The following PCSK2 variants were observed in gnomAD, a reference collection of about 807,000 sequenced individuals.
The protein encoded by PCSK2 is proprotein convertase subtilisin/kexin type 2, also known as neuroendocrine convertase 2.
Under a neutral mutation model 69.7 loss-of-function variants are expected in PCSK2, and 14 were observed. The observed-to-expected ratio is 0.20, with a 90% CI of 0.13 to 0.31. The LOEUF is 0.31. PCSK2 is among the 10% of genes least tolerant of loss of function. PCSK2 has a pLI of 1.00. For synonymous variants in PCSK2, 307 were observed against 320.7 expected, an observed-to-expected ratio of 0.96 and a Z score of 0.46; for missense variants, 544 against 842.5, an observed-to-expected ratio of 0.65 and a Z score of 4.39.
chr20:17,333,850 T>C (rs1408278523), intron 2 of PCSK2, among the ~76,000 whole-genome samples: 1 of 147,734 alleles, frequency 6.8e-6, no homozygotes, highest in Non-Finnish European at 1.5e-5. Context: ...CACATGGAAG[T>C]TATTCAGTAA....
intron 8 of PCSK2, among the ~76,000 whole-genome samples, chr20:17,441,710 T>C (rs1444016036): frequency 2.6e-5 from 4 of 151,986 alleles, no homozygotes; most frequent in African/African-American, 9.7e-5. Context: ...TTATTCACTA[T>C]CAAGAGAACA....
intron 5 of PCSK2, among the ~76,000 whole-genome samples, chr20:17,405,122 C>T (rs946457350): frequency 3.3e-5 from 5 of 152,208 alleles, no homozygotes; most frequent in Admixed American, 6.5e-5. Flanking sequence ...TTTATCCTCA[C>T]AGCAACCAAC....
At chr20:17,463,198 C>A (rs796284602) in intron 10 of PCSK2, among the ~76,000 whole-genome samples, 10 of 152,282 alleles carry the variant, frequency 6.6e-5, no homozygotes, top group African/African-American at 2.4e-4. Flanking sequence ...TTTAAGGGAG[C>A]CCTTCTCCAG....
chr20:17,405,917 T>G (rs1170592084), intron 5 of PCSK2, among the ~76,000 whole-genome samples: 1 of 152,202 alleles, frequency 6.6e-6, no homozygotes, highest in East Asian at 1.9e-4. Flanking sequence ...GATGGTACAA[T>G]GATAATTCAA....
intron 1 of PCSK2, among the ~76,000 whole-genome samples, chr20:17,248,175 GGTGTGT>G (rs10640964): frequency 0.024 from 3,406 of 144,458 alleles, 113 homozygotes; most frequent in African/African-American, 0.072. Context: ...TATAAAAAAG[GGTGTGT>G]GTGTGTGTGT....
rs1235551652 is a variant in PCSK2 at position 17,482,791 on chromosome 20, T to C, written c.*721T>C. 1.3e-5 allele frequency: 2 copies of C among 152,508 alleles called. No homozygotes were observed. The highest frequency in any genetic ancestry group is 2.9e-5 in the Non-Finnish European group (2 of 68,050). 9.4% of individuals were successfully genotyped at this position (152,508 alleles called of 1,614,324 possible). On this transcript the variant is annotated 3_prime_UTR_variant, in exon 12 of 12. Transcript: ENST00000262545. ...GCTGTGCTCTCACCAGCTGCTGCTC[T>C]GAGTTATGTTAAAATCCGCTAGAGC...
intron 5 of PCSK2, among the ~76,000 whole-genome samples, chr20:17,403,718 T>C (rs1046960809): frequency 1.3e-5 from 2 of 152,232 alleles, no homozygotes; most frequent in Non-Finnish European, 2.9e-5. Context: ...TTGTTCTGAG[T>C]TCCTGTAGCT....
intron 10 of PCSK2, 30 bp downstream of exon 10, chr20:17,456,478 G>A (rs2032925090): frequency 4.1e-6 from 5 of 1,234,366 alleles, no homozygotes; most frequent in Non-Finnish European, 4.8e-6. Context: ...TCCAGGGCCA[G>A]CTCTGCAGGG....
At chr20:17,278,751 G>A (rs555199891) in intron 2 of PCSK2, among the ~76,000 whole-genome samples, 2 of 151,794 alleles carry the variant, frequency 1.3e-5, no homozygotes, top group African/African-American at 4.8e-5. Context: ...AAATAATAAT[G>A]GCCCTGTAAC....
chr20:17,401,638 TC>T (rs2123289410), intron 5 of PCSK2, among the ~76,000 whole-genome samples: 1 of 152,342 alleles, frequency 6.6e-6, no homozygotes, highest in Non-Finnish European at 1.5e-5. Flanking sequence ...CTAACATATG[TC>T]CTTTATTAAT....
At chr20:17,359,118 A>G (rs1488074823) in intron 3 of PCSK2, among the ~76,000 whole-genome samples, 1 of 152,230 alleles carries the variant, frequency 6.6e-6, no homozygotes, top group Non-Finnish European at 1.5e-5. Flanking sequence ...ACAGAAAGGG[A>G]GTGACTAATT....
intron 2 of PCSK2, among the ~76,000 whole-genome samples, chr20:17,317,726 A>T (rs1279574251): frequency 6.6e-6 from 1 of 152,264 alleles, no homozygotes; most frequent in African/African-American, 2.4e-5. Context: ...GTAACAGAAA[A>T]TAGAAATAAT....
chr20:17,372,206 C>T (rs1283173018), intron 5 of PCSK2, among the ~76,000 whole-genome samples: 3 of 151,796 alleles, frequency 2.0e-5, no homozygotes, highest in Non-Finnish European at 2.9e-5. Flanking sequence ...GGTGAAACCC[C>T]GTCTCTACTA....
intron 8 of PCSK2, among the ~76,000 whole-genome samples, chr20:17,449,101 C>T (rs1216409160): frequency 6.6e-6 from 1 of 152,044 alleles, no homozygotes; most frequent in African/African-American, 2.4e-5. Flanking sequence ...GTCTCAAACT[C>T]TTGGCCTCAA....
At chr20:17,230,462 T>C (rs1986105269) in intron 1 of PCSK2, among the ~76,000 whole-genome samples, 1 of 152,234 alleles carries the variant, frequency 6.6e-6, no homozygotes, top group South Asian at 2.1e-4. Flanking sequence ...GAACTCAGAC[T>C]TAAAACCAAA....
At chr20:17,251,211 A>C (rs1439275144) in intron 1 of PCSK2, among the ~76,000 whole-genome samples, 1 of 152,234 alleles carries the variant, frequency 6.6e-6, no homozygotes, top group Non-Finnish European at 1.5e-5. Context: ...TTTGGAAAGC[A>C]AAATACAGCA....
chr20:17,407,728 A>G (rs879343224), intron 5 of PCSK2, among the ~76,000 whole-genome samples: 6 of 152,134 alleles, frequency 3.9e-5, no homozygotes, highest in Non-Finnish European at 8.8e-5. Flanking sequence ...GTGGGGAAGG[A>G]GTCGAAAAAC....
chr20:17,291,321 T>C (rs888517759), intron 2 of PCSK2, among the ~76,000 whole-genome samples: 3 of 152,204 alleles, frequency 2.0e-5, no homozygotes, highest in African/African-American at 7.2e-5. Flanking sequence ...CACCATTGTG[T>C]ACCTGCTGTT....
At chr20:17,278,034 C>T (rs1461134704) in intron 2 of PCSK2, among the ~76,000 whole-genome samples, 1 of 152,072 alleles carries the variant, frequency 6.6e-6, no homozygotes, top group African/African-American at 2.4e-5. Flanking sequence ...CATCTCACAC[C>T]AGTTAGAATG....
Sources: gnomAD v4.1 joint callset for allele counts (sites outside exome capture counted in the v4.1 genomes callset) on GRCh38, gnomAD v4.1.1 for gene constraint, MANE v1.5 for transcripts, NCBI Gene and HGNC (gene_info 2026-07-23, HGNC 2026-07-21) for gene names.